The following SGK2 variants were observed in gnomAD, a reference collection of about 807,000 sequenced individuals.
The protein encoded by SGK2 is serine/threonine-protein kinase Sgk2.
Under a neutral mutation model 47.5 loss-of-function variants are expected in SGK2, and 36 were observed. The observed-to-expected ratio is 0.76, with a 90% CI of 0.58 to 1.00. The LOEUF is 1.00. SGK2 is among the 50% of genes least tolerant of loss of function. The pLI is 0.00. For missense variants in SGK2, 404 were observed against 467.4 expected (o/e 0.86, Z 1.25); for synonymous variants, 157 against 181.9 (o/e 0.86, Z 1.10).
intron 7 of SGK2, 71 bp downstream of exon 7, chr20:43,570,800 A>G (rs1174222352): frequency 1.5e-6 from 2 of 1,336,822 alleles, no homozygotes; most frequent in Non-Finnish European, 2.1e-6. Context: ...TTGTGTGGAC[A>G]CTAAATCCTG....
intron 1 of SGK2, among the ~76,000 whole-genome samples, chr20:43,565,560 T>A (rs1979650979): frequency 6.6e-6 from 1 of 152,170 alleles, no homozygotes; most frequent in Non-Finnish European, 1.5e-5. Context: ...GGACCCCCCC[T>A]TGTAAAGATA....
intron 6 of SGK2, chr20:43,569,772 G>T (rs1038890292): frequency 1.5e-5 from 7 of 455,284 alleles, no homozygotes; most frequent in Non-Finnish European, 2.8e-5. Flanking sequence ...TCCTCATTCA[G>T]AGTTGCCCAT....
Position 43,579,411 on chromosome 20 carries a change from AG to A in SGK2, c.850-559del, listed in dbSNP as rs150198724. Among the ~76,000 whole-genome samples the A allele has an allele frequency of 4.1e-3, 622 of 152,300 alleles. 6 individuals carry two copies. The highest frequency in any genetic ancestry group is 0.014 in the African/African-American group (590 of 41,562). ...ATAATTATTTGAGAAACACAGATAGAGGATGTGATGGAAAGAAGTTGGTGCC... is the reference window on the plus strand; with the variant it reads ...ATAATTATTTGAGAAACACAGATAGAGATGTGATGGAAAGAAGTTGGTGCC... On this transcript the variant is annotated intron_variant, in intron 11 of 12. Transcript: ENST00000373100.
intron 10 of SGK2, 118 bp from the exon 11 acceptor site, chr20:43,576,106 A>G: frequency 8.6e-7 from 1 of 1,165,762 alleles, no homozygotes; most frequent in South Asian, 1.5e-5. Flanking sequence ...CATGCGAGCC[A>G]TTGCACAAGA....
intron 12 of SGK2, among the ~76,000 whole-genome samples, chr20:43,582,526 TACAGGCATATGCC>T (rs1980864873): frequency 6.6e-6 from 1 of 151,060 alleles, no homozygotes; most frequent in Non-Finnish European, 1.5e-5. Context: ...TGGCTGGGAC[TACAGGCATATGCC>T]ACCACACCTG....
In SGK2 at chr20:43,581,020, C is replaced by T. The variant is rs546602680; in HGVS notation, c.939+959C>T. ...CCTCCTGAGTAGCTGGGACTACAGG[C>T]GCCCACCACCATGCCCGGCTAATTT... On this transcript the variant is annotated intron_variant, in intron 12 of 12. Transcript: ENST00000373100. 9.2e-5 allele frequency among the ~76,000 whole-genome samples: 14 copies of T among 151,946 alleles called. No individual in the cohort carries two copies. In the East Asian group the frequency reaches 9.8e-4, roughly 11 times the overall value.
At chr20:43,580,749 G>A (rs865780852) in intron 12 of SGK2, among the ~76,000 whole-genome samples, 14 of 147,152 alleles carry the variant, frequency 9.5e-5, no homozygotes, top group African/African-American at 1.3e-4. Flanking sequence ...AAAAAAAAAA[G>A]GGAATGTATG....
In SGK2 at chr20:43,574,984, T is replaced by C. The variant is rs1239508965; in HGVS notation, c.673T>C (p.Tyr225His). ...VDWWCLGAVL[Y>H]EMLHGLPPFY... ...CTGGTGGTGCTTGGGGGCAGTCCTC[T>C]ACGAGATGCTCCATGGCCTGGTGAG... The change falls in exon 10 of 13, where the codon TAC (tyrosine) becomes CAC (histidine). Residue 225 changes from tyrosine to histidine, a missense_variant. Transcript: ENST00000373100. 1.1e-5 allele frequency: 18 copies of C among 1,613,414 alleles called. No individual in the cohort carries two copies. The Admixed American group carries it at 2.7e-4, about 24-fold the overall frequency.
chr20:43,575,107 C>A (rs1171313894), intron 10 of SGK2, 103 bp downstream of exon 10: 1 of 715,438 alleles, frequency 1.4e-6, no homozygotes, highest in African/African-American at 1.8e-5. Context: ...CAAGCCATCT[C>A]TTCATTCCAG....
chr20:43,583,528 A>T (rs4812722), intron 12 of SGK2: 841,990 of 985,326 alleles, frequency 0.85, 359,995 homozygotes, highest in Middle Eastern at 0.91. Context: ...TTGGCTCCAT[A>T]GCCCGACTTG....
intron 3 of SGK2, 52 bp from the exon 4 acceptor site, chr20:43,567,613 C>G (rs1009517147): frequency 2.6e-6 from 4 of 1,554,058 alleles, no homozygotes; most frequent in Non-Finnish European, 2.7e-6. Context: ...TCTCAGGCAC[C>G]AGGTTTCCAG....
chr20:43,564,146 CAGGCAGCA>C (rs1979541165), intron 1 of SGK2, among the ~76,000 whole-genome samples: 1 of 152,258 alleles, frequency 6.6e-6, no homozygotes, highest in Non-Finnish European at 1.5e-5. Flanking sequence ...ATGACCGCCC[CAGGCAGCA>C]AGGCCTTCAT....
rs35793869 is a variant in SGK2 at position 43,579,987 on chromosome 20, C to T, written c.865C>T (p.His289Tyr). 1.5e-3 allele frequency: 2,466 copies of T among 1,613,212 alleles called. 6 individuals are homozygous for T. Among genetic ancestry groups the T allele is most frequent in the Non-Finnish European group, 1.9e-3 (2,213 of 1,179,238 alleles). ...CTTCCTGCAGCTTGAGATTAAGAAC[C>T]ATGTATTCTTCAGCCCCATAAACTG... ...SKADFLEIKN[H>Y]VFFSPINWDD... The change falls in exon 12 of 13, where the codon CAT becomes TAT. Residue 289 changes from histidine to tyrosine, a missense_variant. Coordinates refer to ENST00000373100, the MANE Select transcript of SGK2 (RefSeq NM_170693.3).
intron 8 of SGK2, among the ~76,000 whole-genome samples, chr20:43,571,604 TA>T (rs1980134557): frequency 6.6e-6 from 1 of 152,082 alleles, no homozygotes; most frequent in African/African-American, 2.4e-5. Flanking sequence ...GGACGGGGCA[TA>T]ACTTTGGGTG....
chr20:43,579,106 C>T (rs1250381021), intron 11 of SGK2, among the ~76,000 whole-genome samples: 1 of 151,442 alleles, frequency 6.6e-6, no homozygotes, highest in Non-Finnish European at 1.5e-5. Flanking sequence ...CAACCTCTGC[C>T]TCCCGGGTTC....
rs189820901 is a variant in SGK2 at position 43,560,603 on chromosome 20, C to T, written c.-24+1444C>T. On this transcript the variant is annotated intron_variant, in intron 1 of 12. Coordinates refer to ENST00000373100, the MANE Select transcript of SGK2 (RefSeq NM_170693.3). ...TGGCAGCTGTGCTCACAAATGTGTA[C>T]GTGCAGACATGTCTTTTGTTTTTCT... Among the ~76,000 whole-genome samples the T allele has an allele frequency of 3.6e-4, 54 of 152,056 alleles. 2 individuals are homozygous for T. Among genetic ancestry groups the T allele is most frequent in the African/African-American group, 1.3e-3 (52 of 41,492 alleles).
In SGK2 at chr20:43,568,005, A is replaced by G; in HGVS notation, c.228+6A>G. The G allele has an allele frequency of 6.2e-7, 1 of 1,612,592 alleles. No individual in the cohort carries two copies. Among genetic ancestry groups the G allele is most frequent in the South Asian group, 1.1e-5 (1 of 91,048 alleles). On this transcript the variant is annotated splice_donor_region_variant and intron_variant, in intron 5 of 12. Coordinates refer to ENST00000373100, the MANE Select transcript of SGK2 (RefSeq NM_170693.3). ...CCATCTTAAAGAAGAAAGAGGTACC[A>G]GAGCTCGGGCACAGGCATTTCTTCT...
At chr20:43,569,935 G>A (rs1979993192) in intron 6 of SGK2, among the ~76,000 whole-genome samples, 1 of 152,166 alleles carries the variant, frequency 6.6e-6, no homozygotes, top group Non-Finnish European at 1.5e-5. Context: ...GCACAGCTGG[G>A]ACAAGCAGAG....
intron 12 of SGK2, among the ~76,000 whole-genome samples, chr20:43,584,335 G>A (rs1319158017): frequency 1.3e-5 from 2 of 152,144 alleles, no homozygotes; most frequent in African/African-American, 4.8e-5. Context: ...TGGAGAAATA[G>A]ACTCCACCTC....
Sources: allele counts gnomAD v4.1 joint callset (sites outside exome capture counted in the v4.1 genomes callset), GRCh38; gene constraint gnomAD v4.1.1; transcripts MANE v1.5; gene names NCBI Gene and HGNC (gene_info 2026-07-23, HGNC 2026-07-21).